KCNH7: variants seen among roughly 807,000 people sequenced by gnomAD.
The protein encoded by KCNH7 is potassium voltage-gated channel subfamily H member 7, also known as voltage-gated inwardly rectifying potassium channel KCNH7.
In KCNH7, 49 loss-of-function variants were observed where a neutral mutation model predicts 120.8. The observed-to-expected ratio is 0.41, with a 90% CI of 0.32 to 0.51. KCNH7 has a LOEUF of 0.51. KCNH7 is among the 20% of genes least tolerant of loss of function. The pLI is 0.38. For missense variants in KCNH7, 1,097 were observed against 1,446.6 expected (o/e 0.76, Z 3.92); for synonymous variants, 547 against 516.1 (o/e 1.06, Z -0.81).
intron 2 of KCNH7, among the ~76,000 whole-genome samples, chr2:162,735,653 C>A (rs187303513): frequency 1.3e-5 from 2 of 152,246 alleles, no homozygotes; most frequent in African/African-American, 4.8e-5. Context: ...TCATCCCCAG[C>A]CAAATATTTT....
intron 2 of KCNH7, among the ~76,000 whole-genome samples, chr2:162,633,200 A>G (rs886916505): frequency 2.0e-5 from 3 of 151,800 alleles, no homozygotes; most frequent in Non-Finnish European, 4.4e-5. Flanking sequence ...GGTTTTATAC[A>G]TTTTCACATT....
At chr2:162,385,191 T>A (rs1005416483) in intron 12 of KCNH7, among the ~76,000 whole-genome samples, 3 of 151,962 alleles carry the variant, frequency 2.0e-5, no homozygotes. Context: ...CTATGATAAC[T>A]TACAAACTTG....
At chr2:162,646,762 C>G (rs915876289) in intron 2 of KCNH7, among the ~76,000 whole-genome samples, 1 of 152,086 alleles carries the variant, frequency 6.6e-6, no homozygotes, top group African/African-American at 2.4e-5. Context: ...AAAGGGACAT[C>G]AGATACACAA....
chr2:162,580,844 G>A (rs985938950), intron 2 of KCNH7, among the ~76,000 whole-genome samples: 4 of 151,992 alleles, frequency 2.6e-5, no homozygotes, highest in Non-Finnish European at 4.4e-5. Flanking sequence ...GGGAACTGAG[G>A]AACATGTAGA....
At chr2:162,651,003 A>G (rs1033123972) in intron 2 of KCNH7, among the ~76,000 whole-genome samples, 1 of 152,112 alleles carries the variant, frequency 6.6e-6, no homozygotes, top group African/African-American at 2.4e-5. Context: ...ATAATTACTT[A>G]TTGTCTTGAA....
chr2:162,425,191 TACTGAGTACAGATCTTGAG>T (rs1281800268), intron 8 of KCNH7, among the ~76,000 whole-genome samples: 4 of 152,220 alleles, frequency 2.6e-5, no homozygotes, highest in African/African-American at 7.2e-5. Flanking sequence ...TAGACCCAGT[TACTGAGTACAGATCTTGAG>T]ACTTTTCAGC....
intron 2 of KCNH7, among the ~76,000 whole-genome samples, chr2:162,548,283 G>A (rs1692548165): frequency 6.6e-6 from 1 of 152,172 alleles, no homozygotes; most frequent in Non-Finnish European, 1.5e-5. Flanking sequence ...TGCTACAGAT[G>A]TTCCCTGCTC....
intron 3 of KCNH7, among the ~76,000 whole-genome samples, chr2:162,529,209 T>G (rs1558996810): frequency 6.6e-6 from 1 of 151,970 alleles, no homozygotes; most frequent in African/African-American, 2.4e-5. Flanking sequence ...AACAATGAGT[T>G]TGCCTAAGCA....
chr2:162,739,831 TAAGAA>T (rs747325263), intron 2 of KCNH7, among the ~76,000 whole-genome samples: 71 of 152,292 alleles, frequency 4.7e-4, no homozygotes, highest in Non-Finnish European at 7.8e-4. Context: ...TCAGACCTAG[TAAGAA>T]AAGACACATC....
chr2:162,609,497 T>C (rs1042722001), intron 2 of KCNH7, among the ~76,000 whole-genome samples: 3 of 152,134 alleles, frequency 2.0e-5, no homozygotes, highest in African/African-American at 7.2e-5. Context: ...TTATATGAAG[T>C]CACAGAACTC....
At chr2:162,703,568 C>A (rs183548987) in intron 2 of KCNH7, among the ~76,000 whole-genome samples, 11 of 152,046 alleles carry the variant, frequency 7.2e-5, no homozygotes, top group African/African-American at 2.4e-4. Context: ...CAGTAAGAAA[C>A]CAATTTCAAA....
intron 2 of KCNH7, among the ~76,000 whole-genome samples, chr2:162,789,748 C>A (rs1683854033): frequency 6.6e-6 from 1 of 151,570 alleles, no homozygotes; most frequent in African/African-American, 2.4e-5. Context: ...ACAACATACC[C>A]CTGAATATCC....
intron 4 of KCNH7, among the ~76,000 whole-genome samples, chr2:162,514,272 CA>C (rs1384774417): frequency 6.6e-6 from 1 of 151,678 alleles, no homozygotes. Flanking sequence ...GAGAGAATTA[CA>C]AGAAACAAAT....
rs1573985913 is a variant in KCNH7, at chr2:162,460,941, A to C, written c.1129-14498T>G. Among the ~76,000 whole-genome samples, 3 of 152,330 alleles carry C rather than the reference A, an allele frequency of 2.0e-5. No individual in the cohort carries two copies. In the East Asian group the frequency reaches 5.8e-4, roughly 29 times the overall value. On this transcript the variant is annotated intron_variant, in intron 6 of 15. Coordinates refer to ENST00000332142, the MANE Select transcript of KCNH7 (RefSeq NM_033272.4). ...GGGATAAAGCCTCTGTTTTCCTAATATACATATTATTTCCAGGAGAAAAAG... is the reference window on the plus strand; with the variant it reads ...GGGATAAAGCCTCTGTTTTCCTAATCTACATATTATTTCCAGGAGAAAAAG...
intron 2 of KCNH7, among the ~76,000 whole-genome samples, chr2:162,561,048 T>C (rs1693044773): frequency 1.1e-5 from 1 of 94,016 alleles, no homozygotes; most frequent in African/African-American, 6.4e-5. Flanking sequence ...AGAAATGAAA[T>C]AACCTTTTTT....
chr2:162,734,982 T>C (rs1420505801), intron 2 of KCNH7, among the ~76,000 whole-genome samples: 1 of 152,190 alleles, frequency 6.6e-6, no homozygotes, highest in South Asian at 2.1e-4. Context: ...CCAAGCCTAG[T>C]AATCTGGTGA....
At chr2:162,569,739 T>C (rs1260772249) in intron 2 of KCNH7, among the ~76,000 whole-genome samples, 1 of 152,060 alleles carries the variant, frequency 6.6e-6, no homozygotes, top group African/African-American at 2.4e-5. Context: ...GTCTTTGCTC[T>C]CGTTGGTTTC....
At chr2:162,428,649 T>G (rs1687948083) in intron 8 of KCNH7, among the ~76,000 whole-genome samples, 1 of 151,890 alleles carries the variant, frequency 6.6e-6, no homozygotes, top group Non-Finnish European at 1.5e-5. Context: ...AATTATGAAT[T>G]TGTCTTGTGA....
At chr2:162,461,747 A>G (rs1040754666) in intron 6 of KCNH7, among the ~76,000 whole-genome samples, 1 of 152,200 alleles carries the variant, frequency 6.6e-6, no homozygotes, top group African/African-American at 2.4e-5. Flanking sequence ...GTTTTGTAAA[A>G]GCCCTCAAAC....
Sources: allele counts gnomAD v4.1 joint callset (sites outside exome capture counted in the v4.1 genomes callset), GRCh38; gene constraint gnomAD v4.1.1; transcripts MANE v1.5; gene names NCBI Gene and HGNC (gene_info 2026-07-23, HGNC 2026-07-21).